Variants in HERC4 observed in about 807,000 individuals in gnomAD.
The protein encoded by HERC4 is probable E3 ubiquitin-protein ligase HERC4.
Under a neutral mutation model 124.3 loss-of-function variants are expected in HERC4, and 28 were observed. The ratio of observed to expected loss-of-function variants is 0.23; its 90% CI spans 0.17 to 0.31. The LOEUF is 0.31. Ranked by LOEUF, HERC4 falls within the 10% of genes least tolerant of loss-of-function variation. HERC4 has a pLI of 1.00. For synonymous variants in HERC4, 407 were observed against 421.5 expected (o/e 0.97, Z 0.42); for missense variants, 713 against 1,229.3 (o/e 0.58, Z 6.28).
rs574428610 is a variant in HERC4, at chr10:68,034,146, T to C, written c.504A>G (p.Gln168=). The change falls in exon 6 of 25, where the codon CAA becomes CAG. Residue 168 remains glutamine, a synonymous_variant. Transcript: ENST00000373700. ...VFCWGQNKYG[Q]LGLGTDCKKQ... is the part of the protein sequence containing the mutation. ...TTTTACAGTCAGTACCTAAACCCAA[T>C]TGGCCATATTTATTCTGTCCCCAAC... 103 of 1,614,134 alleles carry C rather than the reference T, an allele frequency of 6.4e-5. No homozygotes were observed. The highest frequency in any genetic ancestry group is 3.4e-4 in the South Asian group (31 of 91,080).
intron 19 of HERC4, among the ~76,000 whole-genome samples, chr10:67,951,614 A>G (rs2033799423): frequency 6.6e-6 from 1 of 152,082 alleles, no homozygotes; most frequent in African/African-American, 2.4e-5. Context: ...TGAGGACACC[A>G]TTTCCTCTGC....
intron 3 of HERC4, among the ~76,000 whole-genome samples, chr10:68,070,886 T>C (rs1266802941): frequency 1.3e-5 from 2 of 152,204 alleles, no homozygotes; most frequent in African/African-American, 4.8e-5. Context: ...TAAGCCTTCA[T>C]TTTCTCCCAG....
intron 15 of HERC4, among the ~76,000 whole-genome samples, chr10:67,985,572 C>T (rs796235895): frequency 1.3e-5 from 2 of 152,134 alleles, no homozygotes; most frequent in Non-Finnish European, 2.9e-5. Context: ...GTTTGAAAAT[C>T]ACTGATTTAG....
At chr10:68,006,839 T>C (rs1250044051) in intron 9 of HERC4, among the ~76,000 whole-genome samples, 2 of 152,228 alleles carry the variant, frequency 1.3e-5, no homozygotes, top group African/African-American at 2.4e-5. Context: ...CTGAGAAGTC[T>C]GCTGCCAGAT....
At chr10:68,022,651 T>C (rs1052366362) in intron 8 of HERC4, among the ~76,000 whole-genome samples, 2 of 152,024 alleles carry the variant, frequency 1.3e-5, no homozygotes, top group Non-Finnish European at 2.9e-5. Flanking sequence ...TTCTTAGATA[T>C]GACACCAAAT....
intron 3 of HERC4, among the ~76,000 whole-genome samples, chr10:68,048,603 T>C (rs993240390): frequency 6.6e-6 from 1 of 152,200 alleles, no homozygotes; most frequent in Non-Finnish European, 1.5e-5. Flanking sequence ...TATACATCTG[T>C]TAAAATCCAT....
At chr10:67,991,325 C>A in intron 11 of HERC4, 126 bp from the exon 12 acceptor site, 1 of 448,748 alleles carries the variant, frequency 2.2e-6, no homozygotes, top group Non-Finnish European at 3.9e-6. Context: ...CCTCTAACAC[C>A]CAATTAGATG....
At chr10:68,032,673 A>T in intron 7 of HERC4, 105 bp downstream of exon 7, 1 of 622,774 alleles carries the variant, frequency 1.6e-6, no homozygotes, top group Non-Finnish European at 2.9e-6. Context: ...TTTTTGAAAT[A>T]CCAATAACAC....
rs11422072 is a variant in HERC4 at position 68,001,372 on chromosome 10, TA to T, written c.1070-8691del. Among the ~76,000 whole-genome samples, 3,273 of 146,964 alleles carry T rather than the reference TA, an allele frequency of 0.022. 306 individuals are homozygous for T. The East Asian group carries it at 0.32, about 14-fold the overall frequency. On this transcript the variant is annotated intron_variant, in intron 9 of 24. Coordinates refer to ENST00000373700, the MANE Select transcript of HERC4 (RefSeq NM_015601.4). ...GGGCAACAGAGTGAGACCTTGTATTTAAAAAAAAAAAAAATTCCTCTTGTTT... is the reference window on the plus strand; with the variant it reads ...GGGCAACAGAGTGAGACCTTGTATTTAAAAAAAAAAAAATTCCTCTTGTTT...
At chr10:67,934,964 A>G (rs2032203414) in intron 22 of HERC4, among the ~76,000 whole-genome samples, 1 of 137,236 alleles carries the variant, frequency 7.3e-6, no homozygotes, top group Non-Finnish European at 1.6e-5. Context: ...CTTTCAAATG[A>G]GTTTTTTTTT....
At chr10:67,997,468 ATTATTTCTCAAGCAC>A in intron 9 of HERC4, among the ~76,000 whole-genome samples, 1 of 152,274 alleles carries the variant, frequency 6.6e-6, no homozygotes, top group South Asian at 2.1e-4. Flanking sequence ...GTAACTAAGT[ATTATTTCTCAAGCAC>A]TTATGATTAT....
In HERC4 at chr10:67,922,150, T is replaced by C. The variant is rs1310783017; in HGVS notation, c.*781A>G. On this transcript the variant is annotated 3_prime_UTR_variant, in exon 25 of 25. Transcript: ENST00000373700. ...AATTTTGAAAGCTATAACCCAGTGA[T>C]TGGTGCTCATAGTAGCCAATGTTTC... is the stretch of plus-strand genomic sequence containing the variant. The C allele has an allele frequency of 6.6e-6, 1 of 152,176 alleles. No individual in the cohort carries two copies. Among genetic ancestry groups the C allele is most frequent in the African/African-American group, 2.4e-5 (1 of 41,458 alleles). The allele number at this position is 152,176 out of a possible 1,614,324, so 9.4% of individuals were successfully genotyped here.
intron 3 of HERC4, 62 bp from the exon 4 acceptor site, chr10:68,044,625 C>T: frequency 4.1e-6 from 6 of 1,469,182 alleles, no homozygotes; most frequent in Non-Finnish European, 5.6e-6. Context: ...AAAGATATTG[C>T]ATTCTAGTTT....
chr10:68,050,068 C>T (rs1198616898), intron 3 of HERC4, among the ~76,000 whole-genome samples: 3 of 152,014 alleles, frequency 2.0e-5, no homozygotes, highest in Non-Finnish European at 4.4e-5. Flanking sequence ...CCATGCACAC[C>T]TATAATCCCA....
At chr10:68,070,511 CAGG>C (rs1433613873) in intron 3 of HERC4, 1 of 161,636 alleles carries the variant, frequency 6.2e-6, no homozygotes, top group African/African-American at 2.4e-5. Context: ...GAGGCTGAGG[CAGG>C]AGAATTGCTT....
chr10:68,027,571 G>T (rs1321434590), intron 7 of HERC4, among the ~76,000 whole-genome samples: 2 of 152,118 alleles, frequency 1.3e-5, no homozygotes, highest in African/African-American at 4.8e-5. Flanking sequence ...AAATCTTCCT[G>T]ATTATTTTAT....
At chr10:68,036,034 G>T (rs1405762429) in intron 5 of HERC4, among the ~76,000 whole-genome samples, 2 of 152,176 alleles carry the variant, frequency 1.3e-5, no homozygotes, top group Non-Finnish European at 2.9e-5. Context: ...ATGTTTAGCG[G>T]CTGGGCACAG....
rs507160 is a variant in HERC4 at position 68,034,694 on chromosome 10, G to C, written c.464-508C>G. Among the ~76,000 whole-genome samples the C allele has an allele frequency of 8.7e-3, 1,319 of 152,208 alleles. 28 individuals carry two copies. The highest frequency in any genetic ancestry group is 0.029 in the African/African-American group (1,217 of 41,552). On this transcript the variant is annotated intron_variant, in intron 5 of 24. Coordinates refer to ENST00000373700, the MANE Select transcript of HERC4 (RefSeq NM_015601.4). The stretch of plus-strand genomic sequence containing the variant: ...CTTCTAACTTAGGATGCCCCAGACT[G>C]AATTCATGACCCCCATCCTACTTCC...
chr10:68,062,163 T>G (rs1473046866), intron 3 of HERC4, among the ~76,000 whole-genome samples: 1 of 152,124 alleles, frequency 6.6e-6, no homozygotes, highest in Non-Finnish European at 1.5e-5. Context: ...GCCCTGATCT[T>G]TCTCCCCACT....
Sources: allele counts gnomAD v4.1 joint callset (sites outside exome capture counted in the v4.1 genomes callset), GRCh38; gene constraint gnomAD v4.1.1; transcripts MANE v1.5; gene names NCBI Gene and HGNC (gene_info 2026-07-23, HGNC 2026-07-21).